GOLIM4: variants seen among roughly 807,000 people sequenced by gnomAD.
GOLIM4 encodes the protein 130 kDa golgi-localized phosphoprotein.
A neutral mutation model predicts 107.4 loss-of-function variants in GOLIM4; 71 were observed. That is an observed-to-expected ratio of 0.66 (90% CI 0.55 to 0.81). The LOEUF (loss-of-function observed/expected upper bound fraction) is 0.81, where lower values mean the gene tolerates loss of function less well. GOLIM4 is among the 30% of genes least tolerant of loss of function. The pLI is 0.00. For missense variants in GOLIM4, 830 were observed against 826.1 expected (o/e 1.00, Z -0.06); for synonymous variants, 327 against 294.8 (o/e 1.11, Z -1.12).
At chr3:168,070,737 T>C (rs1415229445) in intron 1 of GOLIM4, among the ~76,000 whole-genome samples, 1 of 152,188 alleles carries the variant, frequency 6.6e-6, no homozygotes, top group Admixed American at 6.5e-5. Flanking sequence ...AATATTAAAT[T>C]CTGTGAACTT....
rs747275266 is a variant in GOLIM4, at chr3:168,010,799, T to G, written c.1885A>C (p.Lys629Gln). The change falls in exon 15 of 16, where the codon AAA (lysine) becomes CAA (glutamine). Residue 629 changes from lysine to glutamine, a missense_variant. Transcript: ENST00000470487. ...GCATTATGCTCCAGTTCCCTTTTTT[T>G]CTCTTCAGTCAAATCTTCCTGAACC... ...EEVQEDLTEE[K>Q]KRELEHNAEE... 1 of 1,611,744 alleles carries G rather than the reference T, an allele frequency of 6.2e-7. No homozygotes were observed. The highest frequency in any genetic ancestry group is 1.7e-5 in the Admixed American group (1 of 60,002).
intron 1 of GOLIM4, among the ~76,000 whole-genome samples, chr3:168,049,692 C>G (rs981541902): frequency 6.6e-6 from 1 of 152,154 alleles, no homozygotes; most frequent in Admixed American, 6.5e-5. Context: ...ATCAGGGTCC[C>G]AGAAAACTCC....
Position 168,095,366 on chromosome 3 carries a change from CGCA to C in GOLIM4, c.-84_-82del. 1 of 1,230,544 alleles carries C rather than the reference CGCA, an allele frequency of 8.1e-7. No homozygotes were observed. The highest frequency in any genetic ancestry group is 1.1e-6 in the Non-Finnish European group (1 of 870,464). The allele number at this position is 1,230,544 out of a possible 1,614,324, so 76.2% of individuals were successfully genotyped here. ...GAGCGAGCGTCTCAGCAGCGGCCGC[CGCA>C]GTAGGTGGCCAGACGCAGCATGAGG... is the stretch of plus-strand genomic sequence containing the variant. On this transcript the variant is annotated 5_prime_UTR_variant, in exon 1 of 16. Transcript: ENST00000470487.
chr3:168,041,544 T>C (rs1294658061), intron 5 of GOLIM4, 70 bp from the exon 6 acceptor site: 3 of 733,700 alleles, frequency 4.1e-6, no homozygotes, highest in Non-Finnish European at 7.1e-6. Context: ...ATTATTTTCA[T>C]ATCTAAAGCC....
At chr3:168,063,029 A>G (rs1720353153) in intron 1 of GOLIM4, among the ~76,000 whole-genome samples, 1 of 152,178 alleles carries the variant, frequency 6.6e-6, no homozygotes, top group African/African-American at 2.4e-5. Flanking sequence ...TGGTAGCTAG[A>G]GGTCACAGCT....
At chr3:168,012,398 C>G (rs1717098726) in intron 14 of GOLIM4, among the ~76,000 whole-genome samples, 1 of 146,456 alleles carries the variant, frequency 6.8e-6, no homozygotes, top group African/African-American at 2.8e-5. Flanking sequence ...GTGAAAAGAC[C>G]AAATCTACGT....
At chr3:168,016,958 G>A (rs1197912398) in intron 14 of GOLIM4, among the ~76,000 whole-genome samples, 1 of 147,090 alleles carries the variant, frequency 6.8e-6, no homozygotes, top group East Asian at 1.9e-4. Context: ...CGAGTTAGTG[G>A]GTGCAGTGCA....
chr3:168,067,425 C>G (rs1020770819), intron 1 of GOLIM4, among the ~76,000 whole-genome samples: 6 of 150,944 alleles, frequency 4.0e-5, no homozygotes, highest in Non-Finnish European at 7.4e-5. Context: ...CAGGGGCCAC[C>G]AAACACACAC....
Position 168,040,662 on chromosome 3 carries a change from T to C in GOLIM4, c.684+124A>G. Reference sequence around the variant, plus strand: ...TTGAAAGCATGCATGATCCTCAGGATTAGGATAGCTCTGTCCTAAGGAACT... The same window carrying C: ...TTGAAAGCATGCATGATCCTCAGGACTAGGATAGCTCTGTCCTAAGGAACT... On this transcript the variant is annotated intron_variant, in intron 7 of 15. Coordinates refer to ENST00000470487, the MANE Select transcript of GOLIM4 (RefSeq NM_014498.5). 3 of 575,056 alleles carry C rather than the reference T, an allele frequency of 5.2e-6. No individual in the cohort carries two copies. The East Asian group carries it at 8.3e-5, about 16-fold the overall frequency. 35.6% of individuals were successfully genotyped at this position (575,056 alleles called of 1,614,324 possible).
intron 1 of GOLIM4, among the ~76,000 whole-genome samples, chr3:168,089,073 T>C (rs1324796849): frequency 1.3e-5 from 2 of 152,248 alleles, no homozygotes; most frequent in Non-Finnish European, 2.9e-5. Context: ...AAATCATACA[T>C]ATTCAAAAGA....
At chr3:168,052,640 C>T (rs1198111741) in intron 1 of GOLIM4, among the ~76,000 whole-genome samples, 3 of 152,162 alleles carry the variant, frequency 2.0e-5, no homozygotes, top group African/African-American at 7.2e-5. Context: ...TAAGCACATA[C>T]ACACACATAC....
rs569832540 is a variant in GOLIM4, at chr3:168,039,420, C to T, written c.684+1366G>A. Among the ~76,000 whole-genome samples the T allele has an allele frequency of 6.6e-5, 10 of 151,932 alleles. No homozygotes were observed. The South Asian group carries it at 1.5e-3, about 22-fold the overall frequency. On this transcript the variant is annotated intron_variant, in intron 7 of 15. Transcript: ENST00000470487. ...CTGGGATTACAGGTGCACACCACCA[C>T]GCCTGGCTAATTTTTGTATTTTTAG...
chr3:168,023,920 T>C (rs528297550), intron 14 of GOLIM4, among the ~76,000 whole-genome samples: 1 of 152,348 alleles, frequency 6.6e-6, no homozygotes, highest in South Asian at 2.1e-4. Context: ...GCCCGAAGTT[T>C]ACAATGAAAA....
intron 14 of GOLIM4, among the ~76,000 whole-genome samples, chr3:168,011,872 T>C: frequency 7.2e-6 from 1 of 137,940 alleles, no homozygotes; most frequent in East Asian, 2.0e-4. Context: ...AGAAAGGACA[T>C]CCACACCAAA....
rs2108302145 is a variant in GOLIM4, at chr3:168,095,212, C to T, written c.74G>A (p.Gly25Asp). 1 of 1,613,748 alleles carries T rather than the reference C, an allele frequency of 6.2e-7. No individual in the cohort carries two copies. The highest frequency in any genetic ancestry group is 8.5e-7 in the Non-Finnish European group (1 of 1,179,972). Residue 25 changes from glycine (G) to aspartate (D), a missense_variant, in exon 1 of 16, where the codon GGC becomes GAC. Physicochemically the swap from Gly to Asp is moderately conservative, Grantham distance 94. Transcript: ENST00000470487. ...GTAGAGCATCGCGCCGTAGAGAAAG[C>T]CGAACACGACGGTCAGCAGCAGCAG... is the stretch of plus-strand genomic sequence containing the variant. ...QTLLLLTVVF[G>D]FLYGAMLYYE...
Position 168,040,708 on chromosome 3 carries a change from G to A in GOLIM4, c.684+78C>T, listed in dbSNP as rs77830944. On this transcript the variant is annotated intron_variant, in intron 7 of 15. Transcript: ENST00000470487. ...GAACTCACTGAAGATTGGCTTGTAA[G>A]AGACTACATGCATAAAGGAATTGAG... 4,825 of 856,664 alleles carry A rather than the reference G, an allele frequency of 5.6e-3. 148 individuals carry two copies. The African/African-American group carries it at 0.072, about 13-fold the overall frequency. 53.1% of individuals were successfully genotyped at this position (856,664 alleles called of 1,614,324 possible). A position where few individuals can be genotyped will look rare whatever the true frequency, so the allele number is the denominator to read the frequency against.
chr3:168,071,144 T>C (rs1720810658), intron 1 of GOLIM4, among the ~76,000 whole-genome samples: 1 of 152,118 alleles, frequency 6.6e-6, no homozygotes, highest in Admixed American at 6.5e-5. Context: ...TCGCATCCCA[T>C]CGTCAGTGAT....
At chr3:168,052,398 A>ACT (rs199959906) in intron 1 of GOLIM4, among the ~76,000 whole-genome samples, 24 of 149,944 alleles carry the variant, frequency 1.6e-4, no homozygotes, top group Admixed American at 4.6e-4. Context: ...TCACACACAC[A>ACT]CTCTCTCTCA....
rs1718416739 is a variant in GOLIM4 at position 168,032,881 on chromosome 3, ACT to A, written c.844-31_844-30del. Reference sequence around the variant, plus strand: ...GGCCAAGCACATCACTGGGAATGACACTCTTCCAATTTCAAAAGTAATGATGT... The same window carrying A: ...GGCCAAGCACATCACTGGGAATGACACTTCCAATTTCAAAAGTAATGATGT... On this transcript the variant is annotated intron_variant, in intron 8 of 15. Coordinates refer to ENST00000470487, the MANE Select transcript of GOLIM4 (RefSeq NM_014498.5). 2.0e-6 allele frequency: 3 copies of A among 1,502,386 alleles called. No individual in the cohort carries two copies. The East Asian group carries it at 6.8e-5, about 34-fold the overall frequency. 93.1% of individuals were successfully genotyped at this position (1,502,386 alleles called of 1,614,324 possible).
Sources: gnomAD v4.1 joint callset for allele counts (sites outside exome capture counted in the v4.1 genomes callset) on GRCh38, gnomAD v4.1.1 for gene constraint, MANE v1.5 for transcripts, NCBI Gene and HGNC (gene_info 2026-07-23, HGNC 2026-07-21) for gene names.